Variants in AUTS2 observed in about 807,000 individuals in gnomAD.
AUTS2 encodes autism susceptibility gene 2 protein.
Under a neutral mutation model 112.4 loss-of-function variants are expected in AUTS2, and 17 were observed. The ratio of observed to expected loss-of-function variants is 0.15; its 90% confidence interval spans 0.10 to 0.23. The LOEUF (loss-of-function observed/expected upper bound fraction) is 0.23, where lower values mean the gene tolerates loss of function less well. Ranked by LOEUF, AUTS2 falls within the 10% of genes least tolerant of loss-of-function variation. AUTS2 has a pLI of 1.00. For synonymous variants in AUTS2, 751 were observed against 702.7 expected, an observed-to-expected ratio of 1.07 and a Z score of -1.09; for missense variants, 1,510 against 1,701.6, an observed-to-expected ratio of 0.89 and a Z score of 1.98.
In AUTS2 at chr7:70,790,110, G is replaced by T. The variant is rs565156541; in HGVS notation, c.2894G>T (p.Arg965Leu). The T allele has an allele frequency of 1.3e-6, 2 of 1,596,626 alleles. No individual in the cohort carries two copies. The highest frequency in any genetic ancestry group is 1.7e-6 in the Non-Finnish European group (2 of 1,172,858). Residue 965 changes from arginine (R) to leucine (L), a missense_variant, in exon 19 of 19, where the codon CGC becomes CTC. By Grantham distance (102) the Arg-to-Leu change is moderately radical. Around this residue, in one of 3 missense-constraint regions of AUTS2, gnomAD observed 788 missense variants for 797.6 expected, o/e 0.99. Coordinates refer to ENST00000342771, the MANE Select transcript of AUTS2 (RefSeq NM_015570.4). The surrounding 1 kb of genome is among the most constrained non-coding windows in gnomAD (Gnocchi z 7.6). The part of the protein sequence containing the change: ...NSTSSREAEP[R>L]KGEPAYENPK... The stretch of plus-strand genomic sequence containing the variant: ...ACCTCGAGCCGGGAGGCCGAGCCGC[G>T]CAAGGGTGAGCCGGCCTACGAGAAC...
intron 2 of AUTS2, among the ~76,000 whole-genome samples, chr7:69,917,862 C>T (rs918319600): frequency 1.6e-5 from 2 of 128,628 alleles, no homozygotes; most frequent in Admixed American, 7.7e-5. Context: ...GTTGTTGTTG[C>T]GACGGAGTCT....
intron 4 of AUTS2, among the ~76,000 whole-genome samples, chr7:70,386,056 G>A (rs1793592866): frequency 6.6e-6 from 1 of 152,180 alleles, no homozygotes; most frequent in Non-Finnish European, 1.5e-5. Flanking sequence ...CTTTGAAAAT[G>A]CTTTTCAGGT....
chr7:70,716,810 A>AGT (rs1239754942), intron 6 of AUTS2, among the ~76,000 whole-genome samples: 1 of 152,010 alleles, frequency 6.6e-6, no homozygotes, highest in Non-Finnish European at 1.5e-5. Flanking sequence ...GCAGGCTGTC[A>AGT]GTGTGTGTTA....
intron 1 of AUTS2, among the ~76,000 whole-genome samples, chr7:69,670,124 T>TA (rs1796249460): frequency 6.6e-6 from 1 of 152,176 alleles, no homozygotes; most frequent in Non-Finnish European, 1.5e-5. Flanking sequence ...CCCCAGACTG[T>TA]ATGTTCTTCT....
At chr7:69,987,453 A>G (rs1376446885) in intron 2 of AUTS2, among the ~76,000 whole-genome samples, 2 of 152,272 alleles carry the variant, frequency 1.3e-5, no homozygotes, top group Admixed American at 6.5e-5. Context: ...ATGGAGGACA[A>G]TATGTTCCCT....
chr7:70,460,655 T>C lies in AUTS2; in HGVS notation c.690+24874T>C, dbSNP rs1351319293. ...CCTGAGCCACCCCACCCGCTGAGCCTGGTCTTAGAGTGGGGTCAGCTTCGG... is the reference window on the plus strand; with the variant it reads ...CCTGAGCCACCCCACCCGCTGAGCCCGGTCTTAGAGTGGGGTCAGCTTCGG... On this transcript the variant is annotated intron_variant, in intron 5 of 18. Coordinates refer to ENST00000342771, the MANE Select transcript of AUTS2 (RefSeq NM_015570.4). 2.0e-5 allele frequency among the ~76,000 whole-genome samples: 3 copies of C among 152,114 alleles called. No individual in the cohort carries two copies. The East Asian group carries it at 5.8e-4, about 29-fold the overall frequency.
intron 4 of AUTS2, among the ~76,000 whole-genome samples, chr7:70,319,712 G>A (rs886112657): frequency 6.6e-6 from 1 of 152,120 alleles, no homozygotes; most frequent in Non-Finnish European, 1.5e-5. Context: ...CAACACCTTA[G>A]GAGCAAATGT....
intron 2 of AUTS2, among the ~76,000 whole-genome samples, chr7:70,046,703 G>A (rs561193531): frequency 2.6e-5 from 4 of 152,288 alleles, no homozygotes; most frequent in African/African-American, 4.8e-5. Flanking sequence ...TTTTCTACCT[G>A]ATATAAATTC....
chr7:69,666,147 C>T (rs949500801), intron 1 of AUTS2, among the ~76,000 whole-genome samples: 2 of 152,156 alleles, frequency 1.3e-5, no homozygotes, highest in African/African-American at 4.8e-5. Flanking sequence ...TACAGACATA[C>T]ATATGTGTAC....
chr7:69,892,429 C>CCAT lies in AUTS2; in HGVS notation c.310-6854_310-6852dup, dbSNP rs200112105. Among the ~76,000 whole-genome samples, 9 of 152,146 alleles carry CCAT rather than the reference C, an allele frequency of 5.9e-5. No individual in the cohort carries two copies. The East Asian group carries it at 1.7e-3, about 29-fold the overall frequency. On this transcript the variant is annotated intron_variant, in intron 1 of 18. Coordinates refer to ENST00000342771, the MANE Select transcript of AUTS2 (RefSeq NM_015570.4). ...AAAGTGCTGGGATTACAGGTGTGAG[C>CCAT]CATCACACCTGGCCCAAGAATTTAT...
intron 6 of AUTS2, among the ~76,000 whole-genome samples, chr7:70,731,420 CTTTTTT>C (rs56244002): frequency 3.3e-4 from 23 of 69,506 alleles, no homozygotes; most frequent in South Asian, 2.1e-3. Context: ...TTACCCAGAT[CTTTTTT>C]TTTTTTTTTT....
At chr7:70,673,344 T>C (rs2129544296) in intron 5 of AUTS2, among the ~76,000 whole-genome samples, 2 of 151,672 alleles carry the variant, frequency 1.3e-5, no homozygotes, top group African/African-American at 4.8e-5. Context: ...TACTCACTTG[T>C]AACACTTGAT....
chr7:70,191,996 A>G (rs1460498970), intron 4 of AUTS2, among the ~76,000 whole-genome samples: 1 of 151,666 alleles, frequency 6.6e-6, no homozygotes, highest in Non-Finnish European at 1.5e-5. Context: ...AAAAAAAAAG[A>G]AAAGAGAAAA....
At chr7:70,709,482 G>A (rs1585548030) in intron 6 of AUTS2, among the ~76,000 whole-genome samples, 3 of 152,060 alleles carry the variant, frequency 2.0e-5, no homozygotes, top group Admixed American at 6.5e-5. Context: ...AGGCCGAGGC[G>A]GGCGGATCAC....
At chr7:70,475,719 G>C (rs117949132) in intron 5 of AUTS2, among the ~76,000 whole-genome samples, 2,123 of 152,228 alleles carry the variant, frequency 0.014, 34 homozygotes, top group Non-Finnish European at 0.02. Context: ...AGTCTGAGTG[G>C]GGATAAGACG....
chr7:69,611,957 A>AAAAAAAT (rs61530168), intron 1 of AUTS2, among the ~76,000 whole-genome samples: 2 of 149,068 alleles, frequency 1.3e-5, no homozygotes, highest in South Asian at 4.2e-4. Flanking sequence ...AAAAAAAAAA[A>AAAAAAAT]TTGTAAATTA....
At chr7:69,713,776 G>A (rs1798448659) in intron 1 of AUTS2, among the ~76,000 whole-genome samples, 1 of 151,944 alleles carries the variant, frequency 6.6e-6, no homozygotes, top group Non-Finnish European at 1.5e-5. Flanking sequence ...AGTTCTTTAC[G>A]TGTTCTTAAT....
intron 2 of AUTS2, among the ~76,000 whole-genome samples, chr7:70,058,582 A>G (rs1306821255): frequency 1.3e-5 from 2 of 151,966 alleles, no homozygotes; most frequent in South Asian, 2.1e-4. Flanking sequence ...TTTGTTTTTC[A>G]GGAAGAAACA....
chr7:70,160,476 A>G (rs1238782026), intron 4 of AUTS2, among the ~76,000 whole-genome samples: 5 of 152,198 alleles, frequency 3.3e-5, no homozygotes, highest in Admixed American at 2.0e-4. Flanking sequence ...TCATTAAACA[A>G]TTCCCCATTT....
Sources: allele counts gnomAD v4.1 joint callset (sites outside exome capture counted in the v4.1 genomes callset), GRCh38; gene constraint gnomAD v4.1.1; regional missense constraint gnomAD v4.1.1; non-coding constraint Gnocchi (gnomAD v3.1); transcripts MANE v1.5; gene names NCBI Gene and HGNC (gene_info 2026-07-23, HGNC 2026-07-21).